The following DLGAP4 variants were observed in gnomAD, a reference collection of about 807,000 sequenced individuals.
DLGAP4 encodes DLG associated protein 4.
Under a neutral mutation model 86.9 loss-of-function variants are expected in DLGAP4, and 18 were observed. The observed-to-expected ratio is 0.21, with a 90% confidence interval of 0.14 to 0.31. The LOEUF (loss-of-function observed/expected upper bound fraction) is 0.31. Ranked by LOEUF, DLGAP4 falls within the 10% of genes least tolerant of loss-of-function variation. DLGAP4 has a pLI of 1.00. For synonymous variants in DLGAP4, 548 were observed against 574.3 expected (o/e 0.95, Z 0.65); for missense variants, 1,085 against 1,362.6 (o/e 0.80, Z 3.21).
intron 2 of DLGAP4, among the ~76,000 whole-genome samples, chr20:36,390,596 C>G (rs187658287): frequency 1.3e-5 from 2 of 152,190 alleles, no homozygotes; most frequent in Admixed American, 6.5e-5. Flanking sequence ...ACTGTACCCC[C>G]CTCTAGTCTA....
At chr20:36,327,344 T>C (rs1555891071) in intron 1 of DLGAP4, among the ~76,000 whole-genome samples, 1 of 152,094 alleles carries the variant, frequency 6.6e-6, no homozygotes, top group African/African-American at 2.4e-5. Context: ...TTGGTTATGA[T>C]TTACCTCCAT....
intron 2 of DLGAP4, among the ~76,000 whole-genome samples, chr20:36,374,032 C>CAAAA (rs11472489): frequency 8.6e-6 from 1 of 115,670 alleles, no homozygotes. Context: ...GAGACTGTCT[C>CAAAA]AAAAAAAAAA....
chr20:36,337,803 G>T (rs2065337511), intron 1 of DLGAP4, among the ~76,000 whole-genome samples: 1 of 152,326 alleles, frequency 6.6e-6, no homozygotes, highest in East Asian at 1.9e-4. Context: ...GTTGTTGCCT[G>T]CTACCTGTGC....
intron 1 of DLGAP4, among the ~76,000 whole-genome samples, chr20:36,335,981 G>C (rs2065317710): frequency 1.3e-5 from 2 of 152,150 alleles, no homozygotes; most frequent in South Asian, 4.1e-4. Flanking sequence ...AAGGATGACA[G>C]GTTCCTGTTT....
Position 36,358,973 on chromosome 20 carries a change from G to A in DLGAP4, c.-303-8072G>A, listed in dbSNP as rs2030426818. 2.0e-5 allele frequency among the ~76,000 whole-genome samples: 3 copies of A among 152,238 alleles called. No individual in the cohort carries two copies. In the South Asian group the frequency reaches 6.2e-4, roughly 32 times the overall value. ...ATGCCAGAAATGCTCAAGAAGAAGTGGAACTCAAGCAGTTCCAGTCCTTCC... is the reference window on the plus strand; with the variant it reads ...ATGCCAGAAATGCTCAAGAAGAAGTAGAACTCAAGCAGTTCCAGTCCTTCC... On this transcript the variant is annotated intron_variant, in intron 1 of 12. Coordinates refer to ENST00000339266, the MANE Select transcript of DLGAP4 (RefSeq NM_001365621.2).
chr20:36,349,791 T>C (rs2030087679), intron 1 of DLGAP4, among the ~76,000 whole-genome samples: 1 of 152,216 alleles, frequency 6.6e-6, no homozygotes, highest in Admixed American at 6.5e-5. Context: ...AGCTCATAAG[T>C]ATCCCTGTTG....
chr20:36,397,829 T>C (rs2032044238), intron 2 of DLGAP4, among the ~76,000 whole-genome samples: 1 of 152,226 alleles, frequency 6.6e-6, no homozygotes, highest in Non-Finnish European at 1.5e-5. Flanking sequence ...AGCTTAAAAC[T>C]TGGCAAATTA....
intron 1 of DLGAP4, among the ~76,000 whole-genome samples, chr20:36,332,730 C>T (rs1482112654): frequency 2.0e-5 from 3 of 152,038 alleles, no homozygotes; most frequent in African/African-American, 7.2e-5. Context: ...AGTGGAGACT[C>T]AGAGGGGAAA....
rs998669511 is a variant in DLGAP4, at chr20:36,528,485, G to A, written c.*1454G>A. ...CCAGGTGAACCAAGGGTCTGCTCCG[G>A]GGCCCATTTCCAGCTTGGCCGCCGT... On this transcript the variant is annotated 3_prime_UTR_variant, in exon 13 of 13. Coordinates refer to ENST00000339266, the MANE Select transcript of DLGAP4 (RefSeq NM_001365621.2). The A allele has an allele frequency of 2.0e-5, 3 of 150,740 alleles. No individual in the cohort carries two copies. The highest frequency in any genetic ancestry group is 7.3e-5 in the African/African-American group (3 of 40,984). The allele number at this position is 150,740 out of a possible 1,614,324, so 9.3% of individuals were successfully genotyped here.
At chr20:36,425,549 G>A (rs1321236740) in intron 2 of DLGAP4, among the ~76,000 whole-genome samples, 1 of 117,584 alleles carries the variant, frequency 8.5e-6, no homozygotes, top group Admixed American at 8.0e-5. Context: ...ATAGGGGCTG[G>A]GCGTGGTGGC....
chr20:36,320,258 C>T (rs1569453863), intron 1 of DLGAP4, among the ~76,000 whole-genome samples: 1 of 150,874 alleles, frequency 6.6e-6, no homozygotes, highest in Non-Finnish European at 1.5e-5. Context: ...CCCAGGCCTC[C>T]CTTTATCCCC....
intron 2 of DLGAP4, among the ~76,000 whole-genome samples, chr20:36,415,020 C>A (rs2032612668): frequency 6.6e-6 from 1 of 152,124 alleles, no homozygotes; most frequent in Non-Finnish European, 1.5e-5. Context: ...AATACCAGCA[C>A]TTTGAGAGGC....
chr20:36,526,050 C>T, intron 12 of DLGAP4, 44 bp downstream of exon 12: 1 of 1,613,214 alleles, frequency 6.2e-7, no homozygotes. Context: ...GGACAAATTC[C>T]TGGTCGGCAA....
intron 2 of DLGAP4, among the ~76,000 whole-genome samples, chr20:36,389,391 C>T (rs898579467): frequency 6.6e-6 from 1 of 152,182 alleles, no homozygotes; most frequent in African/African-American, 2.4e-5. Context: ...CTTACTTTCC[C>T]TGTGCCTCTG....
chr20:36,386,491 A>G (rs1188092005), intron 2 of DLGAP4, among the ~76,000 whole-genome samples: 1 of 147,962 alleles, frequency 6.8e-6, no homozygotes, highest in African/African-American at 2.5e-5. Flanking sequence ...TGGGGGAGGG[A>G]GGGAGGAAAG....
At chr20:36,482,448 G>T (rs2035230224) in intron 7 of DLGAP4, among the ~76,000 whole-genome samples, 1 of 152,124 alleles carries the variant, frequency 6.6e-6, no homozygotes, top group Non-Finnish European at 1.5e-5. Context: ...TACTTCCCAG[G>T]CTGGGCTCTG....
chr20:36,474,107 A>G (rs1282723098), intron 7 of DLGAP4, among the ~76,000 whole-genome samples: 2 of 152,264 alleles, frequency 1.3e-5, no homozygotes, highest in African/African-American at 4.8e-5. Context: ...GTACAGAGGA[A>G]GCATTTGAGA....
intron 2 of DLGAP4, among the ~76,000 whole-genome samples, chr20:36,428,940 G>A (rs559083337): frequency 5.0e-4 from 76 of 151,068 alleles, no homozygotes; most frequent in African/African-American, 1.4e-3. Flanking sequence ...GATTACAGGC[G>A]TAAGCCACCA....
At chr20:36,469,701 C>T (rs1197008845) in intron 7 of DLGAP4, among the ~76,000 whole-genome samples, 4 of 149,090 alleles carry the variant, frequency 2.7e-5, no homozygotes, top group African/African-American at 7.5e-5. Flanking sequence ...TGCAGTGAGC[C>T]GAGATCGCGC....
Sources: gnomAD v4.1 joint callset for allele counts (sites outside exome capture counted in the v4.1 genomes callset) on GRCh38, gnomAD v4.1.1 for gene constraint, MANE v1.5 for transcripts, NCBI Gene and HGNC (gene_info 2026-07-23, HGNC 2026-07-21) for gene names.